KCNIP3: variants seen among roughly 807,000 people sequenced by gnomAD.
The protein encoded by KCNIP3 is calsenilin.
In KCNIP3, 28 loss-of-function variants were observed where a neutral mutation model predicts 35.0. The ratio of observed to expected loss-of-function variants is 0.80; its 90% CI spans 0.59 to 1.10. The LOEUF (loss-of-function observed/expected upper bound fraction) is 1.10, where lower values mean the gene tolerates loss of function less well. Among genes scored for constraint, KCNIP3 ranks in the 50% least tolerant of loss-of-function variants. The pLI is 0.00. For missense variants in KCNIP3, 295 were observed against 338.4 expected (o/e 0.87, Z 1.01); for synonymous variants, 134 against 133.8 (o/e 1.00, Z -0.01).
intron 2 of KCNIP3, among the ~76,000 whole-genome samples, chr2:95,317,673 C>G (rs1279460783): frequency 6.6e-6 from 1 of 152,148 alleles, no homozygotes; most frequent in East Asian, 1.9e-4. Context: ...GAGACAGAGA[C>G]AGACAGACAG....
chr2:95,297,482 C>A, intron 1 of KCNIP3, 29 bp downstream of exon 1: 1 of 292,168 alleles, frequency 3.4e-6, no homozygotes, highest in Admixed American at 6.5e-5. Context: ...GGGTCTTGCT[C>A]TGGAGGGGGG....
rs1019769475 is a variant in KCNIP3 at position 95,339,409 on chromosome 2, G to C, written c.181+28889G>C. Among the ~76,000 whole-genome samples the C allele has an allele frequency of 3.3e-5, 5 of 152,008 alleles. No individual in the cohort carries two copies. The East Asian group carries it at 5.8e-4, about 18-fold the overall frequency. ...AGCCTGGCCAACACGGTGAAACCCC[G>C]TCTCTACCAAAAAAACACACAAAAA... On this transcript the variant is annotated intron_variant, in intron 2 of 8. Coordinates refer to ENST00000295225, the MANE Select transcript of KCNIP3 (RefSeq NM_013434.5).
intron 2 of KCNIP3, among the ~76,000 whole-genome samples, chr2:95,317,350 C>T (rs529282696): frequency 2.0e-5 from 3 of 152,342 alleles, no homozygotes; most frequent in South Asian, 2.1e-4. Context: ...CCACGCCTCC[C>T]AGCCCAGGAA....
intron 2 of KCNIP3, among the ~76,000 whole-genome samples, chr2:95,316,065 G>C (rs1447407321): frequency 6.6e-6 from 1 of 152,248 alleles, no homozygotes; most frequent in Non-Finnish European, 1.5e-5. Context: ...CCCAGCAGTG[G>C]GAAGTTAGCT....
chr2:95,370,740 A>G lies in KCNIP3; in HGVS notation c.182-3556A>G, dbSNP rs544622544. 1.2e-4 allele frequency among the ~76,000 whole-genome samples: 18 copies of G among 152,152 alleles called. 1 individual carries two copies. The South Asian group carries it at 3.5e-3, about 30-fold the overall frequency. ...TGACTTTATTATAAGGTTTGTGGCT[A>G]TGCTTATATTTGTCATTGATTTTTT... On this transcript the variant is annotated intron_variant, in intron 2 of 8. Transcript: ENST00000295225.
intron 2 of KCNIP3, among the ~76,000 whole-genome samples, chr2:95,356,129 C>T (rs960843972): frequency 8.5e-5 from 13 of 152,172 alleles, no homozygotes; most frequent in African/African-American, 2.9e-4. Context: ...TGTCTGTTGG[C>T]TGCATAGATG....
chr2:95,362,067 T>C (rs1054697502), intron 2 of KCNIP3, among the ~76,000 whole-genome samples: 5 of 151,878 alleles, frequency 3.3e-5, no homozygotes, highest in African/African-American at 1.2e-4. Context: ...TTTTGCTGCA[T>C]GCACGTGGAG....
rs559497950 is a variant in KCNIP3 at position 95,385,877 on chromosome 2, C to A, written c.*1828C>A. On this transcript the variant is annotated 3_prime_UTR_variant, in exon 9 of 9. Transcript: ENST00000295225. ...TCAGGAGAGCATCACCACCACACCC[C>A]TGCCGGCCTTGGCCTTGGGGCCAGA... is the stretch of plus-strand genomic sequence containing the variant. 1 of 152,740 alleles carries A rather than the reference C, an allele frequency of 6.5e-6. No individual in the cohort carries two copies. The highest frequency in any genetic ancestry group is 2.4e-5 in the African/African-American group (1 of 41,604). The allele number at this position is 152,740 out of a possible 1,614,324, so 9.5% of individuals were successfully genotyped here. A position where few individuals can be genotyped will look rare whatever the true frequency, so the allele number is the denominator to read the frequency against.
At chr2:95,347,257 G>A (rs1679399474) in intron 2 of KCNIP3, 3 of 730,558 alleles carry the variant, frequency 4.1e-6, no homozygotes, top group Admixed American at 2.5e-5. Flanking sequence ...CCCGGCTCCG[G>A]AGGGTTGGGC....
At chr2:95,299,733 G>GT (rs1442621381) in intron 1 of KCNIP3, among the ~76,000 whole-genome samples, 1 of 152,242 alleles carries the variant, frequency 6.6e-6, no homozygotes, top group Non-Finnish European at 1.5e-5. Flanking sequence ...TTCCAGCCTT[G>GT]TTGCAGGGCA....
intron 2 of KCNIP3, among the ~76,000 whole-genome samples, chr2:95,355,895 G>T (rs902178645): frequency 1.3e-5 from 2 of 152,128 alleles, no homozygotes; most frequent in African/African-American, 4.8e-5. Flanking sequence ...GGTAATTCTA[G>T]TTCTAGATCC....
intron 1 of KCNIP3, among the ~76,000 whole-genome samples, chr2:95,301,998 A>G (rs9989786): frequency 0.78 from 118,353 of 152,130 alleles, 46,541 homozygotes; most frequent in African/African-American, 0.87. Context: ...TGCCTTGCCT[A>G]TGTCTGTCTG....
chr2:95,367,243 A>T (rs1260484518), intron 2 of KCNIP3, among the ~76,000 whole-genome samples: 3 of 152,238 alleles, frequency 2.0e-5, no homozygotes, highest in Admixed American at 6.5e-5. Flanking sequence ...ACTGCACTCC[A>T]GCCTGGGCGA....
chr2:95,374,310 G>T lies in KCNIP3; in HGVS notation c.196G>T (p.Glu66Ter). Residue 66 changes from glutamate to a stop codon, truncating the protein, a stop_gained, in exon 3 of 9, where the codon GAG becomes TAG. Coordinates refer to ENST00000295225, the MANE Select transcript of KCNIP3 (RefSeq NM_013434.5). LOFTEE classifies it high-confidence loss of function. ...TCCCACTCCAGATAGCAGCGACAGT[G>T]AGCTGGAGCTGTCCACGGTGCGCCA... is the stretch of plus-strand genomic sequence containing the variant. Reference protein sequence around the residue: ...APQGSDSSDSELELSTVRHQP... With the variant: ...APQGSDSSDS The T allele has an allele frequency of 6.2e-7, 1 of 1,614,010 alleles. No individual in the cohort carries two copies. The highest frequency in any genetic ancestry group is 1.1e-5 in the South Asian group (1 of 91,058).
chr2:95,366,133 A>G (rs1679911751), intron 2 of KCNIP3, among the ~76,000 whole-genome samples: 1 of 152,160 alleles, frequency 6.6e-6, no homozygotes, highest in Non-Finnish European at 1.5e-5. Flanking sequence ...GGTGTGCACC[A>G]CCACACCGGG....
At chr2:95,352,230 G>A (rs1256386675) in intron 2 of KCNIP3, among the ~76,000 whole-genome samples, 2 of 152,164 alleles carry the variant, frequency 1.3e-5, no homozygotes, top group Non-Finnish European at 2.9e-5. Flanking sequence ...CTCCAGCCTG[G>A]GCAACAGAGC....
intron 2 of KCNIP3, among the ~76,000 whole-genome samples, chr2:95,370,293 T>C (rs1680012587): frequency 6.6e-6 from 1 of 152,248 alleles, no homozygotes; most frequent in Non-Finnish European, 1.5e-5. Flanking sequence ...GGCCAACTCA[T>C]GTGATCTTCA....
chr2:95,328,114 G>T (rs533551129), intron 2 of KCNIP3, among the ~76,000 whole-genome samples: 1 of 152,288 alleles, frequency 6.6e-6, no homozygotes, highest in East Asian at 1.9e-4. Context: ...CACCCCATGG[G>T]GACTTCACCA....
chr2:95,308,262 C>T (rs1404842458), intron 1 of KCNIP3, among the ~76,000 whole-genome samples: 1 of 152,198 alleles, frequency 6.6e-6, no homozygotes, highest in Non-Finnish European at 1.5e-5. Flanking sequence ...CAGCTCTGGG[C>T]ACCACTGAGC....
Sources: allele counts gnomAD v4.1 joint callset (sites outside exome capture counted in the v4.1 genomes callset), GRCh38; gene constraint gnomAD v4.1.1; transcripts MANE v1.5; gene names NCBI Gene and HGNC (gene_info 2026-07-23, HGNC 2026-07-21).